Variants in MED13L observed in about 807,000 individuals in gnomAD.
MED13L encodes the protein mediator of RNA polymerase II transcription subunit 13-like.
Under a neutral mutation model 220.9 loss-of-function variants are expected in MED13L, and 7 were observed. That is an observed-to-expected ratio of 0.03 (90% CI 0.02 to 0.06). The LOEUF (loss-of-function observed/expected upper bound fraction) is 0.06, where lower values mean the gene tolerates loss of function less well. MED13L is among the 10% of genes least tolerant of loss of function. MED13L has a pLI of 1.00. For synonymous variants in MED13L, 1,011 were observed against 1,015.2 expected (o/e 1.00, Z 0.08); for missense variants, 1,965 against 2,760.5 (o/e 0.71, Z 6.46).
chr12:116,277,156 G>C lies in MED13L; in HGVS notation c.-25C>G. 5 of 1,552,258 alleles carry C rather than the reference G, an allele frequency of 3.2e-6. No individual in the cohort carries two copies. Among genetic ancestry groups the C allele is most frequent in the Non-Finnish European group, 4.4e-6 (5 of 1,148,518 alleles). ...TGATCCTCCGCGAGCCCGGCCGCCA[G>C]AGCGGGGCATGTCGGAGCGAGGCGT... On this transcript the variant is annotated 5_prime_UTR_variant, in exon 1 of 31. Coordinates refer to ENST00000281928, the MANE Select transcript of MED13L (RefSeq NM_015335.5).
intron 4 of MED13L, among the ~76,000 whole-genome samples, chr12:116,083,404 G>GAAA (rs61301423): frequency 1.2e-3 from 98 of 79,272 alleles, no homozygotes; most frequent in South Asian, 1.6e-3. Context: ...TGTCTCGAGG[G>GAAA]AAAAAAAAAA....
At chr12:116,184,889 G>A (rs1295061973) in intron 2 of MED13L, among the ~76,000 whole-genome samples, 1 of 152,052 alleles carries the variant, frequency 6.6e-6, no homozygotes, top group Non-Finnish European at 1.5e-5. Flanking sequence ...TATGCCTGTT[G>A]GAAATAGTAT....
chr12:116,213,761 C>T (rs1297111847), intron 2 of MED13L, among the ~76,000 whole-genome samples: 1 of 152,150 alleles, frequency 6.6e-6, no homozygotes, highest in African/African-American at 2.4e-5. Context: ...TCCCAAATTC[C>T]TATCTGAGGC....
chr12:116,057,196 C>T (rs954245629), intron 4 of MED13L, among the ~76,000 whole-genome samples: 1 of 151,976 alleles, frequency 6.6e-6, no homozygotes, highest in African/African-American at 2.4e-5. Flanking sequence ...CCAAGTAGCT[C>T]GAACACAAGC....
chr12:116,064,207 G>C (rs1304150956), intron 4 of MED13L, among the ~76,000 whole-genome samples: 1 of 150,972 alleles, frequency 6.6e-6, no homozygotes, highest in Non-Finnish European at 1.5e-5. Flanking sequence ...TCTAGTATTT[G>C]CATACGACCT....
intron 3 of MED13L, among the ~76,000 whole-genome samples, chr12:116,109,232 A>C (rs1013772667): frequency 6.6e-6 from 1 of 151,882 alleles, no homozygotes; most frequent in Non-Finnish European, 1.5e-5. Context: ...CATCATGCTC[A>C]GCTAACTTTT....
At chr12:116,005,722 A>G (rs1031963695) in intron 13 of MED13L, 147 bp downstream of exon 13, 41 of 1,040,624 alleles carry the variant, frequency 3.9e-5, no homozygotes, top group Non-Finnish European at 1.0e-5. Context: ...ACTAGATTCC[A>G]GTATACAGAC....
chr12:116,143,642 C>G (rs549698115), intron 2 of MED13L, among the ~76,000 whole-genome samples: 1 of 152,242 alleles, frequency 6.6e-6, no homozygotes, highest in South Asian at 2.1e-4. Flanking sequence ...TAAAATGTTT[C>G]CATCAAATTT....
intron 3 of MED13L, among the ~76,000 whole-genome samples, chr12:116,101,527 A>C (rs1344433721): frequency 6.6e-6 from 1 of 152,196 alleles, no homozygotes; most frequent in Admixed American, 6.5e-5. Context: ...CTAATGCAAC[A>C]GTGGTGTTTG....
intron 14 of MED13L, among the ~76,000 whole-genome samples, chr12:115,998,370 A>G (rs1878534808): frequency 6.6e-6 from 1 of 152,204 alleles, no homozygotes; most frequent in South Asian, 2.1e-4. Context: ...AAACAGACCA[A>G]TAATAACCAC....
chr12:116,270,603 GTC>G (rs1022413165), intron 1 of MED13L, among the ~76,000 whole-genome samples: 3 of 152,070 alleles, frequency 2.0e-5, no homozygotes, highest in African/African-American at 7.2e-5. Flanking sequence ...ATGCAAATGA[GTC>G]TGAATTTACA....
chr12:116,033,764 A>T (rs79334560), intron 4 of MED13L, among the ~76,000 whole-genome samples: 7 of 145,448 alleles, frequency 4.8e-5, no homozygotes, highest in Admixed American at 3.4e-4. Context: ...GTGTGTGTGT[A>T]TGTGTGTACA....
At chr12:116,122,375 A>G (rs1032086755) in intron 2 of MED13L, among the ~76,000 whole-genome samples, 18 of 152,210 alleles carry the variant, frequency 1.2e-4, no homozygotes, top group Admixed American at 1.2e-3. Context: ...TGACTGATCA[A>G]TTTATGCTGC....
chr12:116,242,655 A>C (rs1870759315), intron 1 of MED13L, among the ~76,000 whole-genome samples: 1 of 152,186 alleles, frequency 6.6e-6, no homozygotes. Context: ...ACCATACTAG[A>C]GTTTTCATAT....
chr12:115,972,938 C>T (rs546476984), intron 25 of MED13L, among the ~76,000 whole-genome samples: 14 of 152,286 alleles, frequency 9.2e-5, no homozygotes, highest in African/African-American at 3.1e-4. Context: ...CTTACACACA[C>T]GAAGTATGCG....
chr12:116,202,135 A>G (rs892305647), intron 2 of MED13L, among the ~76,000 whole-genome samples: 1 of 152,300 alleles, frequency 6.6e-6, no homozygotes, highest in African/African-American at 2.4e-5. Context: ...ATTTTACAAA[A>G]ATAATCAGTG....
chr12:116,160,222 G>T (rs887945251), intron 2 of MED13L, among the ~76,000 whole-genome samples: 3 of 152,098 alleles, frequency 2.0e-5, no homozygotes, highest in African/African-American at 7.2e-5. Context: ...GGAATTTAAA[G>T]TCCCAAATAA....
At chr12:116,109,184 C>T (rs944427496) in intron 3 of MED13L, among the ~76,000 whole-genome samples, 29 of 149,620 alleles carry the variant, frequency 1.9e-4, no homozygotes, top group African/African-American at 7.1e-4. Flanking sequence ...AATCTTCCCA[C>T]CTCAACCTCC....
intron 2 of MED13L, among the ~76,000 whole-genome samples, chr12:116,116,673 G>C (rs1464047562): frequency 6.6e-6 from 1 of 151,858 alleles, no homozygotes; most frequent in Non-Finnish European, 1.5e-5. Flanking sequence ...AAGTCCCACA[G>C]TCCTGTGGGA....
Sources: gnomAD v4.1 joint callset for allele counts (sites outside exome capture counted in the v4.1 genomes callset) on GRCh38, gnomAD v4.1.1 for gene constraint, MANE v1.5 for transcripts, NCBI Gene and HGNC (gene_info 2026-07-23, HGNC 2026-07-21) for gene names.